The following CACNA1H variants were observed in gnomAD, a reference collection of about 807,000 sequenced individuals.
CACNA1H encodes the protein calcium voltage-gated channel subunit alpha1 H.
A neutral mutation model predicts 192.5 loss-of-function variants in CACNA1H; 149 were observed. The observed-to-expected ratio is 0.77, with a 90% CI of 0.68 to 0.89. CACNA1H has a LOEUF of 0.89. CACNA1H is among the 40% of genes least tolerant of loss of function. The pLI is 0.00. For synonymous variants in CACNA1H, 2,202 were observed against 1,475.2 expected, an observed-to-expected ratio of 1.49 and a Z score of -11.29; for missense variants, 4,257 against 3,423.5, an observed-to-expected ratio of 1.24 and a Z score of -6.08.
chr16:1,198,206 C>T (rs1005617690), intron 5 of CACNA1H, among the ~76,000 whole-genome samples: 2 of 152,150 alleles, frequency 1.3e-5, no homozygotes, highest in African/African-American at 4.8e-5. Flanking sequence ...GGCCACTGGG[C>T]TCCGCCTGGT....
Position 1,209,223 on chromosome 16 carries a change from G to C in CACNA1H, c.3555G>C (p.Ala1185=), listed in dbSNP as rs370039255. 1.3e-6 allele frequency: 2 copies of C among 1,544,910 alleles called. No individual in the cohort carries two copies. Among genetic ancestry groups the C allele is most frequent in the African/African-American group, 2.8e-5 (2 of 72,342 alleles). The part of the protein sequence containing the change: ...TDDEAEDGRA[A]PGPRATPLRR... ...ACGAAGCTGAGGACGGCAGGGCCGC[G>C]CCCGGGCCCCGTGCCACCCCACTGC... The change falls in exon 17 of 35, where the codon GCG becomes GCC. Residue 1185 remains alanine (A), a synonymous_variant. Coordinates refer to ENST00000348261, the MANE Select transcript of CACNA1H (RefSeq NM_021098.3).
Position 1,190,605 on chromosome 16 carries a change from A to G in CACNA1H, c.300-4367A>G, listed in dbSNP as rs375496994. Among the ~76,000 whole-genome samples, 770 of 152,260 alleles carry G rather than the reference A, an allele frequency of 5.1e-3. 5 individuals are homozygous for G. The highest frequency in any genetic ancestry group is 0.016 in the South Asian group (78 of 4,828). On this transcript the variant is annotated intron_variant, in intron 2 of 34. Coordinates refer to ENST00000348261, the MANE Select transcript of CACNA1H (RefSeq NM_021098.3). ...GTGTGACCCGGTTGGGAGGCGCGCA[A>G]TACGCCTGCCTGTCACGTCCTCTGT...
At chr16:1,163,843 C>T (rs1780326127) in intron 2 of CACNA1H, among the ~76,000 whole-genome samples, 2 of 152,218 alleles carry the variant, frequency 1.3e-5, no homozygotes, top group African/African-American at 2.4e-5. Context: ...CCTCCTCTCC[C>T]TGGGAAGCCT....
intron 2 of CACNA1H, among the ~76,000 whole-genome samples, chr16:1,158,334 T>C (rs923831256): frequency 1.3e-5 from 2 of 151,164 alleles, no homozygotes; most frequent in Non-Finnish European, 3.0e-5. Flanking sequence ...TCATCCTTCC[T>C]GGGGCGATGG....
intron 11 of CACNA1H, among the ~76,000 whole-genome samples, chr16:1,205,636 C>T (rs950480049): frequency 3.3e-5 from 5 of 152,328 alleles, no homozygotes; most frequent in African/African-American, 1.2e-4. Flanking sequence ...GCTGGAGGAG[C>T]ATTTGCTACA....
rs778717934 is a variant in CACNA1H, at chr16:1,213,885, G to A, written c.4883G>A (p.Cys1628Tyr). 1 of 1,611,978 alleles carries A rather than the reference G, an allele frequency of 6.2e-7. No homozygotes were observed. Among genetic ancestry groups the A allele is most frequent in the East Asian group, 2.2e-5 (1 of 44,802 alleles). ...GACCTCTTCATCACCTTCATCATCTGTGTCAACGTCATCACCATGTCCATG... is the reference window on the plus strand; with the variant it reads ...GACCTCTTCATCACCTTCATCATCTATGTCAACGTCATCACCATGTCCATG... ...YLDLFITFIICVNVITMSMEH... is the reference protein window; with the variant it reads ...YLDLFITFIIYVNVITMSMEH... Residue 1628 changes from cysteine to tyrosine, a missense_variant, in exon 27 of 35, where the codon TGT (cysteine) becomes TAT (tyrosine). Cys to Tyr is a radical substitution (Grantham distance 194). Transcript: ENST00000348261.
Position 1,210,790 on chromosome 16 carries a change from G to C in CACNA1H, c.4042G>C (p.Val1348Leu). ...IFVAEMMVKV[V>L]ALGLLSGEHA... The stretch of plus-strand genomic sequence containing the variant: ...CAGTGCCATTGGCCCTCCGCAGGTG[G>C]TGGCCCTGGGGCTGCTGTCCGGCGA... Residue 1348 changes from valine (V) to leucine (L), a missense_variant, in exon 21 of 35, where the codon GTG becomes CTG. Transcript: ENST00000348261. 6.2e-7 allele frequency: 1 copy of C among 1,600,636 alleles called. No homozygotes were observed. The highest frequency in any genetic ancestry group is 2.2e-5 in the East Asian group (1 of 44,870).
chr16:1,219,180 T>C (rs1970282111), intron 34 of CACNA1H, 50 bp downstream of exon 34: 1 of 1,460,078 alleles, frequency 6.8e-7, no homozygotes, highest in Non-Finnish European at 9.1e-7. Flanking sequence ...ATGGGGGGCT[T>C]GCAGGGATGC....
rs547832636 is a variant in CACNA1H at position 1,177,429 on chromosome 16, G to A, written c.300-17543G>A. Among the ~76,000 whole-genome samples the A allele has an allele frequency of 3.9e-5, 6 of 152,308 alleles. No homozygotes were observed. The East Asian group carries it at 9.7e-4, about 25-fold the overall frequency. On this transcript the variant is annotated intron_variant, in intron 2 of 34. Transcript: ENST00000348261. ...TCTGACCGAGGCCCACCCTGCCGTC[G>A]CCCCGGAGTCCCCCAAGCTGGCACA...
In CACNA1H at chr16:1,220,808, C is replaced by T. The variant is rs1157418974; in HGVS notation, c.6876C>T (p.Ser2292=). The T allele has an allele frequency of 3.1e-6, 5 of 1,612,714 alleles. No homozygotes were observed. In the African/African-American group the frequency reaches 5.3e-5, roughly 17 times the overall value. The change falls in exon 35 of 35, where the codon TCC becomes TCT. Residue 2292 remains serine, a synonymous_variant. Transcript: ENST00000348261. ...LDGSHSVTPE[S]RASSSGAIVP... ...GTAGCCACAGTGTGACCCCAGAATCCAGAGCTTCCTCTTCAGGGGCCATAG... is the reference window on the plus strand; with the variant it reads ...GTAGCCACAGTGTGACCCCAGAATCTAGAGCTTCCTCTTCAGGGGCCATAG...
chr16:1,219,140 G>C lies in CACNA1H; in HGVS notation c.6048+10G>C, dbSNP rs1437796928. ...GCTGCTCTGCAGACAGGTAGGAGAAGCCGTTGGCCTGCAGCAGAGGCTGGC... is the reference window on the plus strand; with the variant it reads ...GCTGCTCTGCAGACAGGTAGGAGAACCCGTTGGCCTGCAGCAGAGGCTGGC... On this transcript the variant is annotated intron_variant, in intron 34 of 34. Transcript: ENST00000348261. The C allele has an allele frequency of 6.6e-7, 1 of 1,520,000 alleles. No individual in the cohort carries two copies. The highest frequency in any genetic ancestry group is 8.8e-7 in the Non-Finnish European group (1 of 1,130,890). 94.2% of individuals were successfully genotyped at this position (1,520,000 alleles called of 1,614,324 possible). A position where few individuals can be genotyped will look rare whatever the true frequency, so the allele number is the denominator to read the frequency against.
chr16:1,212,392 C>A, intron 25 of CACNA1H, 119 bp from the exon 26 acceptor site: 1 of 1,141,562 alleles, frequency 8.8e-7, no homozygotes, highest in Non-Finnish European at 1.3e-6. Flanking sequence ...CCACCGAGTC[C>A]TCACTCCACG....
intron 5 of CACNA1H, among the ~76,000 whole-genome samples, chr16:1,197,703 G>A (rs1247249326): frequency 1.3e-5 from 2 of 152,130 alleles, no homozygotes; most frequent in East Asian, 3.9e-4. Context: ...TGCTCCTCCT[G>A]GCTCTGACTC....
chr16:1,191,409 A>C (rs1415521551), intron 2 of CACNA1H, among the ~76,000 whole-genome samples: 1 of 87,968 alleles, frequency 1.1e-5, no homozygotes, highest in Non-Finnish European at 2.2e-5. Flanking sequence ...TCGGTGACCC[A>C]GCAGGCTGGC....
chr16:1,212,611 G>T (rs1168919170), intron 26 of CACNA1H, 83 bp downstream of exon 26: 13 of 1,514,562 alleles, frequency 8.6e-6, no homozygotes, highest in Non-Finnish European at 1.2e-5. Flanking sequence ...GCCTGCTGGG[G>T]TCCTCCGCAG....
In CACNA1H at chr16:1,167,714, A is replaced by AC. The variant is rs1963938346; in HGVS notation, c.299+13682dup. The stretch of plus-strand genomic sequence containing the variant: ...CCGGCTCCTGGCTAGGGACCCCGAG[A>AC]CCCCTCCTTTGCTTCCTGAAAGGAG... On this transcript the variant is annotated intron_variant, in intron 2 of 34. Transcript: ENST00000348261. This position sits in a 1 kb window ranked among gnomAD's most constrained non-coding sequence, Gnocchi z 4.2. Among the ~76,000 whole-genome samples, 1 of 151,816 alleles carries AC rather than the reference A, an allele frequency of 6.6e-6. No individual in the cohort carries two copies. Among genetic ancestry groups the AC allele is most frequent in the Non-Finnish European group, 1.5e-5 (1 of 67,950 alleles).
At position 1,195,959 on chromosome 16, in the gene CACNA1H, G is replaced by A. The variant is rs2141202280; in HGVS notation, c.579G>A (p.Val193=). The change falls in exon 5 of 35, where the codon GTG becomes GTA. Residue 193 remains valine, a synonymous_variant. Coordinates refer to ENST00000348261, the MANE Select transcript of CACNA1H (RefSeq NM_021098.3). The part of the protein sequence containing the change: ...MMEYSLDGHN[V]SLSAIRTVRV... ...AGTACTCGTTGGACGGACACAACGT[G>A]AGCCTCTCGGCTATCAGGACCGTGC... 6.2e-7 allele frequency: 1 copy of A among 1,613,128 alleles called. No homozygotes were observed. The highest frequency in any genetic ancestry group is 8.5e-7 in the Non-Finnish European group (1 of 1,179,830).
intron 16 of CACNA1H, 29 bp from the exon 17 acceptor site, chr16:1,209,003 C>A: frequency 6.8e-7 from 1 of 1,471,006 alleles, no homozygotes; most frequent in South Asian, 1.4e-5. Flanking sequence ...AGTGATGCCA[C>A]CAGGTCACTG....
chr16:1,163,382 G>A (rs552096547), intron 2 of CACNA1H, among the ~76,000 whole-genome samples: 24 of 152,360 alleles, frequency 1.6e-4, no homozygotes, highest in South Asian at 4.1e-4. Flanking sequence ...TCGTGCTCCC[G>A]GGAGGGGGTG....
Sources: allele counts gnomAD v4.1 joint callset (sites outside exome capture counted in the v4.1 genomes callset), GRCh38; gene constraint gnomAD v4.1.1; non-coding constraint Gnocchi (gnomAD v3.1); transcripts MANE v1.5; gene names NCBI Gene and HGNC (gene_info 2026-07-23, HGNC 2026-07-21).